ARHGAP21: variants seen among roughly 807,000 people sequenced by gnomAD.
The protein encoded by ARHGAP21 is Rho GTPase activating protein 21.
In ARHGAP21, 38 loss-of-function variants were observed where a neutral mutation model predicts 164.6. That is an observed-to-expected ratio of 0.23 (90% confidence interval 0.18 to 0.30). ARHGAP21 has a LOEUF of 0.30. ARHGAP21 is among the 10% of genes least tolerant of loss of function. The probability of loss-of-function intolerance (pLI) is 1.00; values close to 1 mark genes in which losing one functional copy is unlikely to be tolerated. For synonymous variants in ARHGAP21, 766 were observed against 857.9 expected, an observed-to-expected ratio of 0.89 and a Z score of 1.87; for missense variants, 1,822 against 2,370.7, an observed-to-expected ratio of 0.77 and a Z score of 4.81.
At chr10:24,589,542 A>G in intron 24 of ARHGAP21, 1 of 456,374 alleles carries the variant, frequency 2.2e-6, no homozygotes, top group Non-Finnish European at 3.9e-6. Flanking sequence ...ATGGCAAAGG[A>G]GCCCTGTGCT....
At chr10:24,706,229 ACTTTTAAGTAATTCATTCTAACTTCCC>A (rs1411749095) in intron 2 of ARHGAP21, among the ~76,000 whole-genome samples, 2 of 152,324 alleles carry the variant, frequency 1.3e-5, no homozygotes, top group East Asian at 3.9e-4. Flanking sequence ...ATTGTTGGCC[ACTTTTAAGTAATTCATTCTAACTTCCC>A]CTCCTCCACC....
Position 24,651,621 on chromosome 10 carries a change from C to T in ARHGAP21, c.268+15364G>A, listed in dbSNP as rs547652997. On this transcript the variant is annotated intron_variant, in intron 4 of 25. Transcript: ENST00000396432. ...ATCTGGTGATATATAAAAAGCATCACACACTGTGGACAAGTTTGGTTTAGT... is the reference window on the plus strand; with the variant it reads ...ATCTGGTGATATATAAAAAGCATCATACACTGTGGACAAGTTTGGTTTAGT... Among the ~76,000 whole-genome samples the T allele has an allele frequency of 2.0e-5, 3 of 152,302 alleles. No homozygotes were observed. The South Asian group carries it at 6.2e-4, about 32-fold the overall frequency.
intron 17 of ARHGAP21, 74 bp from the exon 18 acceptor site, chr10:24,596,117 C>T (rs2076567899): frequency 1.6e-6 from 2 of 1,253,900 alleles, no homozygotes; most frequent in Non-Finnish European, 1.1e-6. Context: ...AGCTAAAATG[C>T]CCCTTTCATC....
intron 11 of ARHGAP21, among the ~76,000 whole-genome samples, chr10:24,605,069 A>G (rs531783979): frequency 6.6e-6 from 1 of 152,258 alleles, no homozygotes; most frequent in South Asian, 2.1e-4. Flanking sequence ...CTCCCCCTCA[A>G]ACAACAATGT....
intron 13 of ARHGAP21, 151 bp downstream of exon 13, chr10:24,601,827 A>G (rs1331528208): frequency 1.0e-6 from 1 of 992,552 alleles, no homozygotes; most frequent in African/African-American, 1.7e-5. Flanking sequence ...TTTAAGGAAT[A>G]CTTTTTTTAA....
intron 2 of ARHGAP21, among the ~76,000 whole-genome samples, chr10:24,714,909 A>C (rs936369634): frequency 6.6e-6 from 1 of 152,018 alleles, no homozygotes; most frequent in Non-Finnish European, 1.5e-5. Context: ...GGGCGCCTGT[A>C]GTCCCAGCTA....
intron 19 of ARHGAP21, among the ~76,000 whole-genome samples, 171 bp downstream of exon 19, chr10:24,595,546 T>C (rs2076544878): frequency 6.6e-6 from 1 of 152,228 alleles, no homozygotes; most frequent in Non-Finnish European, 1.5e-5. Flanking sequence ...ATAATACATA[T>C]TTCACTGAAC....
At chr10:24,652,990 GCTAAACACTGAAAAAA>G (rs1380022879) in intron 4 of ARHGAP21, among the ~76,000 whole-genome samples, 1 of 152,156 alleles carries the variant, frequency 6.6e-6, no homozygotes, top group Non-Finnish European at 1.5e-5. Context: ...GTTTGAAGTA[GCTAAACACTGAAAAAA>G]ATTCAATGTC....
At chr10:24,590,973 G>T (rs1418433946) in intron 24 of ARHGAP21, 15 of 923,210 alleles carry the variant, frequency 1.6e-5, no homozygotes, top group Non-Finnish European at 1.9e-5. Context: ...ACAAAACAGT[G>T]GTTTGCATGC....
rs866278701 is a variant in ARHGAP21 at position 24,642,502 on chromosome 10, G to C, written c.269-7399C>G. 1.4e-3 allele frequency among the ~76,000 whole-genome samples: 186 copies of C among 134,024 alleles called. 1 individual carries two copies. The highest frequency in any genetic ancestry group is 5.3e-3 in the African/African-American group (183 of 34,690). The allele number at this position is 134,024 out of a possible 152,430, so 87.9% of individuals were successfully genotyped here. ...TGCACTCCAGCCTGGGCGACAGAGC[G>C]AGACTCCGTCTCAAAAAAAAAAAAA... On this transcript the variant is annotated intron_variant, in intron 4 of 25. Transcript: ENST00000396432.
intron 7 of ARHGAP21, among the ~76,000 whole-genome samples, chr10:24,625,010 A>G (rs537533630): frequency 4.2e-5 from 5 of 118,348 alleles, no homozygotes; most frequent in African/African-American, 1.6e-4. Flanking sequence ...CTTCCCTAAC[A>G]GCCCTGTTTT....
chr10:24,617,537 G>T (rs553513780), intron 9 of ARHGAP21, among the ~76,000 whole-genome samples: 10 of 152,090 alleles, frequency 6.6e-5, no homozygotes, highest in Non-Finnish European at 1.2e-4. Flanking sequence ...GGCCTTAGGG[G>T]TATAGATATG....
chr10:24,646,883 A>C (rs1477664204), intron 4 of ARHGAP21, among the ~76,000 whole-genome samples: 2 of 152,236 alleles, frequency 1.3e-5, no homozygotes, highest in East Asian at 3.8e-4. Flanking sequence ...AATTTAGAAA[A>C]AAAAGCTCAA....
At chr10:24,681,909 A>AT (rs1841797621) in intron 2 of ARHGAP21, among the ~76,000 whole-genome samples, 1 of 152,232 alleles carries the variant, frequency 6.6e-6, no homozygotes, top group African/African-American at 2.4e-5. Context: ...GGGGAAGGAC[A>AT]TGCACTCTGA....
chr10:24,677,788 C>T (rs750339061), intron 2 of ARHGAP21, among the ~76,000 whole-genome samples: 4 of 152,160 alleles, frequency 2.6e-5, no homozygotes, highest in Admixed American at 2.0e-4. Context: ...CGGTCTCATT[C>T]ACTGACATAC....
chr10:24,715,455 G>A (rs1430200549), intron 2 of ARHGAP21, among the ~76,000 whole-genome samples: 3 of 151,880 alleles, frequency 2.0e-5, no homozygotes, highest in East Asian at 1.9e-4. Flanking sequence ...TTCTCTTATC[G>A]ACCAGTCTGA....
chr10:24,715,677 G>A (rs1427395194), intron 2 of ARHGAP21, among the ~76,000 whole-genome samples: 1 of 152,178 alleles, frequency 6.6e-6, no homozygotes, highest in African/African-American at 2.4e-5. Flanking sequence ...GTCTAAGGAA[G>A]AACATATTTC....
chr10:24,663,865 A>G (rs1222008067), intron 4 of ARHGAP21, among the ~76,000 whole-genome samples: 1 of 152,090 alleles, frequency 6.6e-6, no homozygotes, highest in Non-Finnish European at 1.5e-5. Context: ...TGCCCTGTGC[A>G]CTGTTTCAAC....
intron 2 of ARHGAP21, among the ~76,000 whole-genome samples, chr10:24,699,669 T>C (rs1056185518): frequency 6.6e-6 from 1 of 152,056 alleles, no homozygotes; most frequent in Non-Finnish European, 1.5e-5. Context: ...CACTACATTA[T>C]ATCCTTCGGT....
Sources: allele counts gnomAD v4.1 joint callset (sites outside exome capture counted in the v4.1 genomes callset), GRCh38; gene constraint gnomAD v4.1.1; transcripts MANE v1.5; gene names NCBI Gene and HGNC (gene_info 2026-07-23, HGNC 2026-07-21).